The following GATA4 variants were observed in gnomAD, a reference collection of about 807,000 sequenced individuals.
GATA4 encodes transcription factor GATA-4.
Under a neutral mutation model 37.9 loss-of-function variants are expected in GATA4, and 7 were observed. The ratio of observed to expected loss-of-function variants is 0.18; its 90% CI spans 0.11 to 0.35. The LOEUF is 0.35. Among genes scored for constraint, GATA4 ranks in the 10% least tolerant of loss-of-function variants. GATA4 has a pLI of 1.00. For synonymous variants in GATA4, 372 were observed against 292.6 expected (o/e 1.27, Z -2.77); for missense variants, 647 against 653.0 (o/e 0.99, Z 0.10).
At chr8:11,692,613 G>C (rs1000304869), upstream of GATA4, 9 of 985,228 alleles carry the variant, frequency 9.1e-6, no homozygotes, top group Non-Finnish European at 1.1e-5. Context: ...GCGGGAACCG[G>C]CTTCTGGGGA....
rs926333608 is a variant in GATA4, at chr8:11,709,582, G to C, written c.616+654G>C. Among the ~76,000 whole-genome samples, 48 of 151,978 alleles carry C rather than the reference G, an allele frequency of 3.2e-4. No homozygotes were observed. The highest frequency in any genetic ancestry group is 4.2e-4 in the South Asian group (2 of 4,816). ...GGCGCATCATGCGGGCAGCGGGGGGGGGGGCGCACACGCCCGGTCAGTGTC... is the reference window on the plus strand; with the variant it reads ...GGCGCATCATGCGGGCAGCGGGGGGCGGGGCGCACACGCCCGGTCAGTGTC... On this transcript the variant is annotated intron_variant, in intron 2 of 6. Transcript: ENST00000532059. This position sits in a 1 kb window ranked among gnomAD's most constrained non-coding sequence, Gnocchi z 4.3.
chr8:11,749,096 G>C lies in GATA4; in HGVS notation c.786+11G>C, dbSNP rs1165880305. ...CCTCAGCGCCGGCTGGTAAGCACGT[G>C]CCTCGCAGCCTCCTCTGGGCACCTG... On this transcript the variant is annotated intron_variant, in intron 3 of 6. Transcript: ENST00000532059. This position sits in a 1 kb window ranked among gnomAD's most constrained non-coding sequence, Gnocchi z 4.6. 1.2e-6 allele frequency: 2 copies of C among 1,613,710 alleles called. No individual in the cohort carries two copies. Among genetic ancestry groups the C allele is most frequent in the Admixed American group, 3.3e-5 (2 of 59,986 alleles).
upstream of GATA4, among the ~76,000 whole-genome samples, chr8:11,690,571 C>T (rs181340558): frequency 1.3e-5 from 2 of 152,186 alleles, no homozygotes; most frequent in Admixed American, 6.5e-5. Flanking sequence ...CAAAAAAAAG[C>T]TGGCCTGGTG....
intron 2 of GATA4, among the ~76,000 whole-genome samples, chr8:11,718,103 T>C (rs1800516045): frequency 6.6e-6 from 1 of 152,296 alleles, no homozygotes; most frequent in Middle Eastern, 3.4e-3. Context: ...GAGAAAATCA[T>C]AATAAAAGCA....
At chr8:11,687,493 G>C (rs566648926) in intron 1 of GATA4, among the ~76,000 whole-genome samples, 1 of 152,302 alleles carries the variant, frequency 6.6e-6, no homozygotes, top group South Asian at 2.1e-4. Flanking sequence ...TCATCTGTGA[G>C]TTGGGGGCAA....
chr8:11,713,127 G>A (rs989314568), intron 2 of GATA4, among the ~76,000 whole-genome samples: 13 of 151,954 alleles, frequency 8.6e-5, no homozygotes, highest in Non-Finnish European at 1.9e-4. Flanking sequence ...TGTGAATAGG[G>A]CAAAAATCAA....
chr8:11,719,461 A>G (rs1450333091), intron 2 of GATA4, among the ~76,000 whole-genome samples: 1 of 152,262 alleles, frequency 6.6e-6, no homozygotes, highest in East Asian at 1.9e-4. Flanking sequence ...CTTTCCAGGC[A>G]AAAATGGCTT....
intron 2 of GATA4, among the ~76,000 whole-genome samples, chr8:11,746,264 A>C (rs772192498): frequency 4.6e-5 from 7 of 152,032 alleles, no homozygotes; most frequent in Non-Finnish European, 8.8e-5. Context: ...AAAAAGTAAA[A>C]TAGACTGAGG....
intron 2 of GATA4, among the ~76,000 whole-genome samples, chr8:11,745,268 G>T (rs572246376): frequency 9.5e-4 from 145 of 152,230 alleles, no homozygotes; most frequent in Non-Finnish European, 1.7e-3. Flanking sequence ...CCTTTAATAA[G>T]ATTCTGGGGT....
upstream of GATA4, among the ~76,000 whole-genome samples, chr8:11,689,382 T>A: frequency 6.6e-6 from 1 of 152,190 alleles, no homozygotes; most frequent in Middle Eastern, 3.2e-3. Context: ...ATATCACTGA[T>A]GATTACCCAG....
At chr8:11,697,676 G>C in intron 1 of GATA4, 1 of 985,456 alleles carries the variant, frequency 1.0e-6, no homozygotes, top group Non-Finnish European at 1.2e-6. Context: ...TCGCGCCTGC[G>C]GACCAGAGGC....
rs765015290 is a variant in GATA4, at chr8:11,707,211, G to A, written c.-457-645G>A. On this transcript the variant is annotated intron_variant, in intron 1 of 6. Transcript: ENST00000532059. This position sits in a 1 kb window ranked among gnomAD's most constrained non-coding sequence, Gnocchi z 4.7. ...TTTGCAAGAAACCTGTAACTTGTCC[G>A]ATTTGACGTCCACATGGTTAGTGTA... Among the ~76,000 whole-genome samples, 5 of 152,084 alleles carry A rather than the reference G, an allele frequency of 3.3e-5. No individual in the cohort carries two copies. The highest frequency in any genetic ancestry group is 4.8e-5 in the African/African-American group (2 of 41,410).
At position 11,758,519 on chromosome 8, in the gene GATA4, T is replaced by C. The variant is rs754515469; in HGVS notation, c.*44T>C. 2.5e-6 allele frequency: 4 copies of C among 1,605,634 alleles called. No homozygotes were observed. In the African/African-American group the frequency reaches 5.4e-5, roughly 21 times the overall value. On this transcript the variant is annotated 3_prime_UTR_variant, in exon 7 of 7. Transcript: ENST00000532059. Reference sequence around the variant, plus strand: ...CAAATTCCTGCACGGACCTGGGACTTGGAGGATAGCAAAGAAGGAGGCCCT... The same window carrying C: ...CAAATTCCTGCACGGACCTGGGACTCGGAGGATAGCAAAGAAGGAGGCCCT...
chr8:11,717,794 A>G (rs1274187899), intron 2 of GATA4, among the ~76,000 whole-genome samples: 1 of 152,234 alleles, frequency 6.6e-6, no homozygotes, highest in Non-Finnish European at 1.5e-5. Context: ...CTTCCGTATC[A>G]TTCCTCAACT....
intron 2 of GATA4, among the ~76,000 whole-genome samples, chr8:11,733,315 AAG>A (rs1218362406): frequency 6.6e-6 from 1 of 152,236 alleles, no homozygotes; most frequent in Non-Finnish European, 1.5e-5. Flanking sequence ...ATTTATATGA[AAG>A]AGTTATTGTA....
At chr8:11,682,785 G>A (rs1300248627) in intron 1 of GATA4, among the ~76,000 whole-genome samples, 1 of 152,190 alleles carries the variant, frequency 6.6e-6, no homozygotes, top group Non-Finnish European at 1.5e-5. Flanking sequence ...GTCCCCGTTT[G>A]TGCAAAAACA....
intron 1 of GATA4, among the ~76,000 whole-genome samples, chr8:11,683,949 T>C (rs1181964156): frequency 6.6e-6 from 1 of 152,242 alleles, no homozygotes; most frequent in African/African-American, 2.4e-5. Flanking sequence ...GGTCTTAGCC[T>C]GCCCACACCT....
chr8:11,741,142 G>A (rs1412469446), intron 2 of GATA4, among the ~76,000 whole-genome samples: 1 of 152,144 alleles, frequency 6.6e-6, no homozygotes, highest in African/African-American at 2.4e-5. Flanking sequence ...TGCAGCAAAT[G>A]AAGTCTTATT....
intron 2 of GATA4, among the ~76,000 whole-genome samples, chr8:11,731,827 A>C (rs548086942): frequency 2.0e-5 from 3 of 152,332 alleles, no homozygotes; most frequent in Admixed American, 2.0e-4. Context: ...CCTTTTTCCT[A>C]ACACTTCATT....
Sources: gnomAD v4.1 joint callset for allele counts (sites outside exome capture counted in the v4.1 genomes callset) on GRCh38, gnomAD v4.1.1 for gene constraint, Gnocchi (gnomAD v3.1) non-coding constraint, MANE v1.5 for transcripts, NCBI Gene and HGNC (gene_info 2026-07-23, HGNC 2026-07-21) for gene names.